Variants in OBP2B observed in about 807,000 individuals in gnomAD.
OBP2B encodes the protein odorant-binding protein 2b.
OBP2B carries 10 observed loss-of-function variants against 21.7 expected under a neutral mutation model. The ratio of observed to expected loss-of-function variants is 0.46; its 90% CI spans 0.28 to 0.78. The LOEUF is 0.78. Among genes scored for constraint, OBP2B ranks in the 30% least tolerant of loss-of-function variants. The probability of loss-of-function intolerance (pLI) is 0.11; values close to 1 mark genes in which losing one functional copy is unlikely to be tolerated. For missense variants in OBP2B, 153 were observed against 217.7 expected, an observed-to-expected ratio of 0.70 and a Z score of 1.87; for synonymous variants, 73 against 91.5, an observed-to-expected ratio of 0.80 and a Z score of 1.16.
At chr9:133,207,708 C>T in intron 3 of OBP2B, 1 of 577,566 alleles carries the variant, frequency 1.7e-6, no homozygotes, top group East Asian at 4.5e-5. Flanking sequence ...GCCTCCTCAT[C>T]CCTAACCCTC....
chr9:133,216,677 C>T, the OBP2B span, among the ~76,000 whole-genome samples: 1 of 151,676 alleles, frequency 6.6e-6, no homozygotes, highest in Non-Finnish European at 1.5e-5. Flanking sequence ...GAGCACTACT[C>T]AGAAGTAAAA....
the OBP2B span, among the ~76,000 whole-genome samples, chr9:133,214,439 T>G: frequency 6.6e-6 from 1 of 152,160 alleles, no homozygotes; most frequent in Admixed American, 6.5e-5. Context: ...GCGAAGGGGT[T>G]TAAGGAGGAA....
Position 133,207,345 on chromosome 9 carries a change from G to A in OBP2B, c.278-9C>T. 6.3e-7 allele frequency: 1 copy of A among 1,577,230 alleles called. No homozygotes were observed. The highest frequency in any genetic ancestry group is 8.7e-7 in the Non-Finnish European group (1 of 1,147,528). The stretch of plus-strand genomic sequence containing the variant: ...GAGCTTCCTGCCCCCATCTGTAGAT[G>A]ACAGAGAAAATGGGTCATTCCCAGA... On this transcript the variant is annotated splice_polypyrimidine_tract_variant and intron_variant, in intron 3 of 6. Coordinates refer to ENST00000372034, the MANE Select transcript of OBP2B (RefSeq NM_014581.4).
At chr9:133,219,955 C>T in the OBP2B span, among the ~76,000 whole-genome samples, 1 of 152,028 alleles carries the variant, frequency 6.6e-6, no homozygotes, top group South Asian at 2.1e-4. Context: ...AAGAAAATAC[C>T]GACCCATGCT....
At chr9:133,209,340 G>T, upstream of OBP2B, 2 of 793,230 alleles carry the variant, frequency 2.5e-6, no homozygotes, top group Admixed American at 2.3e-5. The surrounding 1 kb of genome is among the most constrained non-coding windows in gnomAD (Gnocchi z 6.0). Context: ...CCCCATGGTG[G>T]CAACCAGTCC....
the OBP2B span, among the ~76,000 whole-genome samples, chr9:133,215,139 G>T: frequency 1.7e-4 from 26 of 151,942 alleles, no homozygotes; most frequent in African/African-American, 6.3e-4. Flanking sequence ...TACTAGTAAC[G>T]GACCCTAAAC....
upstream of OBP2B, among the ~76,000 whole-genome samples, chr9:133,210,627 T>A (rs1833897961): frequency 6.6e-6 from 1 of 152,208 alleles, no homozygotes; most frequent in Non-Finnish European, 1.5e-5. Context: ...TCTAAGCACC[T>A]TACAACACTG....
At chr9:133,218,283 G>A in the OBP2B span, among the ~76,000 whole-genome samples, 1 of 152,180 alleles carries the variant, frequency 6.6e-6, no homozygotes, top group Non-Finnish European at 1.5e-5. Flanking sequence ...GATCCAGGGA[G>A]ACCGGCCACA....
chr9:133,209,729 G>GCCCACTCTGGGA (rs1208548176), upstream of OBP2B, among the ~76,000 whole-genome samples: 2 of 152,114 alleles, frequency 1.3e-5, no homozygotes, highest in Non-Finnish European at 2.9e-5. The surrounding 1 kb of genome is among the most constrained non-coding windows in gnomAD (Gnocchi z 6.0). Flanking sequence ...CCAAGCTTCC[G>GCCCACTCTGGGA]CCCACTCTGG....
chr9:133,210,134 C>A (rs1833885500), upstream of OBP2B, among the ~76,000 whole-genome samples: 1 of 152,062 alleles, frequency 6.6e-6, no homozygotes, highest in Non-Finnish European at 1.5e-5. Flanking sequence ...TGGCTGAGGT[C>A]CCTTGGGCAC....
chr9:133,218,627 T>C, the OBP2B span, among the ~76,000 whole-genome samples: 5 of 152,088 alleles, frequency 3.3e-5, no homozygotes, highest in Non-Finnish European at 7.4e-5. Flanking sequence ...GTTTAGAAAC[T>C]GGACACAGAC....
At position 133,207,063 on chromosome 9, in the gene OBP2B, C is replaced by G. The variant is rs139744914; in HGVS notation, c.388+163G>C. Among the ~76,000 whole-genome samples the G allele has an allele frequency of 8.2e-3, 1,245 of 152,268 alleles. 9 individuals are homozygous for G. The highest frequency in any genetic ancestry group is 0.012 in the Non-Finnish European group (849 of 68,010). On this transcript the variant is annotated intron_variant, in intron 4 of 6. Coordinates refer to ENST00000372034, the MANE Select transcript of OBP2B (RefSeq NM_014581.4). ...GTCCCTGCCTGGCCCATCCCATTCC[C>G]ACTTCAGGTACTTGGACCGGCTGCC...
chr9:133,205,540 G>T, intron 6 of OBP2B, 129 bp from the exon 7 acceptor site: 2 of 655,126 alleles, frequency 3.1e-6, no homozygotes, highest in Non-Finnish European at 2.6e-6. Context: ...GCTCCAGAGC[G>T]ACCTCAGCTC....
At chr9:133,217,384 C>G in the OBP2B span, among the ~76,000 whole-genome samples, 1 of 152,242 alleles carries the variant, frequency 6.6e-6, no homozygotes, top group Non-Finnish European at 1.5e-5. Flanking sequence ...GCAGGCGCTT[C>G]TCTTGTGCAC....
chr9:133,205,858 C>G, intron 6 of OBP2B, 59 bp downstream of exon 6: 1 of 1,613,228 alleles, frequency 6.2e-7, no homozygotes. Flanking sequence ...GATGTACCCT[C>G]GAACCCCGGG....
intron 6 of OBP2B, 44 bp from the exon 7 acceptor site, chr9:133,205,455 G>A: frequency 1.9e-6 from 2 of 1,078,412 alleles, no homozygotes; most frequent in Non-Finnish European, 2.7e-6. Flanking sequence ...CTGCAGGGTA[G>A]GGCAGAGGCC....
At chr9:133,219,908 G>C in the OBP2B span, among the ~76,000 whole-genome samples, 1 of 152,142 alleles carries the variant, frequency 6.6e-6, no homozygotes, top group African/African-American at 2.4e-5. Flanking sequence ...AAAAAAGGTG[G>C]TATTATCCAC....
the OBP2B span, among the ~76,000 whole-genome samples, chr9:133,221,592 A>G: frequency 2.0e-5 from 3 of 152,154 alleles, no homozygotes; most frequent in Admixed American, 6.5e-5. Context: ...TGGGGCGGGG[A>G]CTGCCTGACT....
chr9:133,222,503 G>A, the OBP2B span, among the ~76,000 whole-genome samples: 1 of 152,164 alleles, frequency 6.6e-6, no homozygotes. Flanking sequence ...ATAGGTGGGT[G>A]GATCAATTGA....
Sources: gnomAD v4.1 joint callset for allele counts (sites outside exome capture counted in the v4.1 genomes callset) on GRCh38, gnomAD v4.1.1 for gene constraint, Gnocchi (gnomAD v3.1) non-coding constraint, MANE v1.5 for transcripts, NCBI Gene and HGNC (gene_info 2026-07-23, HGNC 2026-07-21) for gene names.